NCKAP1: variants seen among roughly 807,000 people sequenced by gnomAD.
The protein encoded by NCKAP1 is NCK associated protein 1.
Under a neutral mutation model 151.2 loss-of-function variants are expected in NCKAP1, and 21 were observed. The ratio of observed to expected loss-of-function variants is 0.14; its 90% CI spans 0.10 to 0.20. NCKAP1 has a LOEUF of 0.20. Ranked by LOEUF, NCKAP1 falls within the 10% of genes least tolerant of loss-of-function variation. The pLI is 1.00. For missense variants in NCKAP1, 933 were observed against 1,352.1 expected, an observed-to-expected ratio of 0.69 and a Z score of 4.86; for synonymous variants, 484 against 451.8, an observed-to-expected ratio of 1.07 and a Z score of -0.90.
At chr2:182,988,552 G>A (rs907827210) in intron 9 of NCKAP1, among the ~76,000 whole-genome samples, 19 of 152,106 alleles carry the variant, frequency 1.2e-4, no homozygotes, top group African/African-American at 4.6e-4. Context: ...AATAAATAAT[G>A]TGGAATACTA....
At chr2:182,967,405 T>A in intron 15 of NCKAP1, 44 bp from the exon 16 acceptor site, 1 of 1,527,758 alleles carries the variant, frequency 6.5e-7, no homozygotes, top group Non-Finnish European at 8.9e-7. Context: ...TAAACATAAA[T>A]GACTTCGGAC....
Position 182,917,216 on chromosome 2 carries a change from CA to C in NCKAP1, c.*8485del, listed in dbSNP as rs1696481917. On this transcript the variant is annotated 3_prime_UTR_variant, in exon 31 of 31. Coordinates refer to ENST00000361354, the MANE Select transcript of NCKAP1 (RefSeq NM_013436.5). The stretch of plus-strand genomic sequence containing the variant: ...ACTTGGAGAAGTTAAGTAATTTGTC[CA>C]TAAGTGACAGAGCTGGGATTCAAAC... The C allele has an allele frequency of 6.6e-6, 1 of 152,102 alleles. No individual in the cohort carries two copies. The highest frequency in any genetic ancestry group is 2.1e-4 in the South Asian group (1 of 4,824). 9.4% of individuals were successfully genotyped at this position (152,102 alleles called of 1,614,324 possible).
chr2:182,975,788 C>T (rs1258002834), intron 15 of NCKAP1, among the ~76,000 whole-genome samples: 1 of 151,764 alleles, frequency 6.6e-6, no homozygotes, highest in Non-Finnish European at 1.5e-5. Flanking sequence ...ACTTATAGTC[C>T]CAGCTATTCA....
At position 182,920,522 on chromosome 2, in the gene NCKAP1, T is replaced by C. The variant is rs1056968356; in HGVS notation, c.*5180A>G. On this transcript the variant is annotated 3_prime_UTR_variant, in exon 31 of 31. Coordinates refer to ENST00000361354, the MANE Select transcript of NCKAP1 (RefSeq NM_013436.5). ...ATAAGCAAGAACTGTGAACAATAAA[T>C]TTGTTACTATAAAAAAACTTCTTGC... 6.6e-6 allele frequency: 1 copy of C among 152,174 alleles called. No homozygotes were observed. The highest frequency in any genetic ancestry group is 1.5e-5 in the Non-Finnish European group (1 of 68,040). The allele number at this position is 152,174 out of a possible 1,614,324, so 9.4% of individuals were successfully genotyped here. A position where few individuals can be genotyped will look rare whatever the true frequency, so the allele number is the denominator to read the frequency against.
chr2:182,921,084 T>C lies in NCKAP1; in HGVS notation c.*4618A>G, dbSNP rs751010361. 11 of 152,110 alleles carry C rather than the reference T, an allele frequency of 7.2e-5. No homozygotes were observed. The highest frequency in any genetic ancestry group is 1.2e-4 in the Non-Finnish European group (8 of 68,006). The allele number at this position is 152,110 out of a possible 1,614,324, so 9.4% of individuals were successfully genotyped here. A position where few individuals can be genotyped will look rare whatever the true frequency, so the allele number is the denominator to read the frequency against. ...GAAAACACTTTTAGTCAGTTACTAA[T>C]GGAGAAAAAATAAATATAATTTGGT... On this transcript the variant is annotated 3_prime_UTR_variant, in exon 31 of 31. Transcript: ENST00000361354.
At chr2:182,926,514 A>G (rs1479202021) in intron 30 of NCKAP1, among the ~76,000 whole-genome samples, 4 of 152,044 alleles carry the variant, frequency 2.6e-5, no homozygotes. Context: ...AGAAAACTGG[A>G]AGAGAGGTGA....
chr2:182,987,214 C>T (rs1168484886), intron 9 of NCKAP1, among the ~76,000 whole-genome samples: 1 of 152,008 alleles, frequency 6.6e-6, no homozygotes, highest in Admixed American at 6.6e-5. Flanking sequence ...TGCACTTCAG[C>T]CTGGGTGACA....
At chr2:182,966,289 T>C (rs1324644785) in intron 16 of NCKAP1, among the ~76,000 whole-genome samples, 3 of 152,034 alleles carry the variant, frequency 2.0e-5, no homozygotes, top group Admixed American at 2.0e-4. Context: ...CCCACTGTTA[T>C]GTATTTATTT....
chr2:182,947,777 A>C (rs1448561565), intron 23 of NCKAP1, among the ~76,000 whole-genome samples: 4 of 152,318 alleles, frequency 2.6e-5, no homozygotes, highest in African/African-American at 9.6e-5. Context: ...CACTGACAGA[A>C]TAACTTTTAG....
chr2:183,038,005 T>C lies in NCKAP1; in HGVS notation c.95A>G (p.Tyr32Cys). The change falls in exon 1 of 31, where the codon TAC becomes TGC. Residue 32 changes from tyrosine to cysteine, a missense_variant. By Grantham distance (194) the Tyr-to-Cys change is radical. Transcript: ENST00000361354. ...DRGVGMLTRL[Y>C]NIKKACGDPK... Reference sequence around the variant, plus strand: ...GCCCGTGCGCACCTTCTTGATGTTGTAGAGGCGGGTGAGCATGCCGACGCC... The same window carrying C: ...GCCCGTGCGCACCTTCTTGATGTTGCAGAGGCGGGTGAGCATGCCGACGCC... The C allele has an allele frequency of 1.3e-6, 2 of 1,575,600 alleles. No homozygotes were observed. Among genetic ancestry groups the C allele is most frequent in the South Asian group, 1.1e-5 (1 of 88,048 alleles).
rs533688039 is a variant in NCKAP1 at position 183,007,641 on chromosome 2, T to C, written c.220-4316A>G. ...CATAAATTATTTTTCTTAATCTAAG[T>C]TTTGCTAGCATTTGTTCCTCTTAAA... On this transcript the variant is annotated intron_variant, in intron 2 of 30. Transcript: ENST00000361354. Among the ~76,000 whole-genome samples the C allele has an allele frequency of 3.3e-5, 5 of 152,306 alleles. No homozygotes were observed. In the South Asian group the frequency reaches 1.0e-3, roughly 32 times the overall value.
chr2:182,983,376 T>G lies in NCKAP1; in HGVS notation c.1011A>C (p.Ser337=), dbSNP rs368350073. The change falls in exon 11 of 31, where the codon TCA becomes TCC. Residue 337 remains serine, a synonymous_variant. Coordinates refer to ENST00000361354, the MANE Select transcript of NCKAP1 (RefSeq NM_013436.5). The stretch of plus-strand genomic sequence containing the variant: ...AAAACTTGCGTCTTTCTCTGTGCAT[T>G]GAACCACTATGGGGAAAGACACCAT... ...CKEAAVSHAG[S]MHRERRKFLR... is the part of the protein sequence containing the mutation. 6.8e-6 allele frequency: 11 copies of G among 1,606,154 alleles called. No homozygotes were observed. In the African/African-American group the frequency reaches 1.5e-4, roughly 22 times the overall value.
intron 10 of NCKAP1, among the ~76,000 whole-genome samples, 156 bp from the exon 11 acceptor site, chr2:182,983,538 G>A (rs572906910): frequency 3.9e-5 from 6 of 152,120 alleles, no homozygotes; most frequent in African/African-American, 1.2e-4. Flanking sequence ...CGTTAAGTGA[G>A]TTTCTAATCT....
intron 28 of NCKAP1, 126 bp from the exon 29 acceptor site, chr2:182,928,352 C>T (rs79290843): frequency 0.06 from 36,994 of 617,174 alleles, 1,397 homozygotes; most frequent in Middle Eastern, 0.13. Context: ...GGGACATGAC[C>T]GGACTTGCTC....
At chr2:182,951,648 A>AC (rs1559079034) in intron 23 of NCKAP1, among the ~76,000 whole-genome samples, 1 of 150,952 alleles carries the variant, frequency 6.6e-6, no homozygotes, top group Non-Finnish European at 1.5e-5. Flanking sequence ...AAAAAAAAAA[A>AC]AAAACAAACA....
rs939424437 is a variant in NCKAP1 at position 182,916,982 on chromosome 2, C to T, written c.*8720G>A. 3.9e-5 allele frequency: 6 copies of T among 152,044 alleles called. No homozygotes were observed. Among genetic ancestry groups the T allele is most frequent in the East Asian group, 1.9e-4 (1 of 5,188 alleles). 9.4% of individuals were successfully genotyped at this position (152,044 alleles called of 1,614,324 possible). A position where few individuals can be genotyped will look rare whatever the true frequency, so the allele number is the denominator to read the frequency against. On this transcript the variant is annotated 3_prime_UTR_variant, in exon 31 of 31. Transcript: ENST00000361354. The stretch of plus-strand genomic sequence containing the variant: ...CTGATATTATAATACTCATAAAAGC[C>T]ATGAAAAAACTCTTTGAAGGCAATT...
intron 20 of NCKAP1, among the ~76,000 whole-genome samples, chr2:182,953,583 T>C (rs896414758): frequency 6.6e-6 from 1 of 152,134 alleles, no homozygotes; most frequent in Non-Finnish European, 1.5e-5. Flanking sequence ...GGCAGATGAC[T>C]TGAAGTCAGG....
At chr2:182,949,551 C>T (rs1478189312) in intron 23 of NCKAP1, among the ~76,000 whole-genome samples, 1 of 152,152 alleles carries the variant, frequency 6.6e-6, no homozygotes, top group Non-Finnish European at 1.5e-5. Flanking sequence ...CCTGTAATCC[C>T]AGCACTTTAA....
Position 182,918,039 on chromosome 2 carries a change from C to T in NCKAP1, c.*7663G>A, listed in dbSNP as rs1041492520. The stretch of plus-strand genomic sequence containing the variant: ...AGTAGAAAAAATATGGGCTGGAAAT[C>T]CTAGAGCCTTAGGTTTTAATCTCAG... On this transcript the variant is annotated 3_prime_UTR_variant, in exon 31 of 31. Transcript: ENST00000361354. The T allele has an allele frequency of 6.6e-6, 1 of 152,106 alleles. No individual in the cohort carries two copies. The highest frequency in any genetic ancestry group is 6.6e-5 in the Admixed American group (1 of 15,256). 9.4% of individuals were successfully genotyped at this position (152,106 alleles called of 1,614,324 possible).
Sources: gnomAD v4.1 joint callset for allele counts (sites outside exome capture counted in the v4.1 genomes callset) on GRCh38, gnomAD v4.1.1 for gene constraint, MANE v1.5 for transcripts, NCBI Gene and HGNC (gene_info 2026-07-23, HGNC 2026-07-21) for gene names.